NFYC: variants seen among roughly 807,000 people sequenced by gnomAD.
NFYC encodes CAAT box DNA-binding protein subunit C.
A neutral mutation model predicts 53.1 loss-of-function variants in NFYC; 25 were observed. The ratio of observed to expected loss-of-function variants is 0.47; its 90% CI spans 0.34 to 0.66. The LOEUF (loss-of-function observed/expected upper bound fraction) is 0.66, where lower values mean the gene tolerates loss of function less well. Ranked by LOEUF, NFYC falls within the 30% of genes least tolerant of loss-of-function variation. The pLI, the probability that NFYC is intolerant of heterozygous loss-of-function variation, is 0.01. For missense variants in NFYC, 260 were observed against 422.7 expected (o/e 0.62, Z 3.38); for synonymous variants, 145 against 152.6 (o/e 0.95, Z 0.37).
intron 1 of NFYC, among the ~76,000 whole-genome samples, chr1:40,730,363 T>G (rs573701760): frequency 1.3e-5 from 2 of 152,190 alleles, no homozygotes; most frequent in South Asian, 2.1e-4. Context: ...GTGAAAGATG[T>G]GAGACTGTTC....
intron 1 of NFYC, among the ~76,000 whole-genome samples, chr1:40,732,129 T>TA (rs1644802696): frequency 6.6e-6 from 1 of 152,216 alleles, no homozygotes; most frequent in African/African-American, 2.4e-5. Flanking sequence ...TGTTAGGTTT[T>TA]TAAGTATTAT....
chr1:40,766,815 A>G, intron 8 of NFYC, 112 bp downstream of exon 8: 3 of 1,485,860 alleles, frequency 2.0e-6, no homozygotes, highest in Non-Finnish European at 2.8e-6. Context: ...TTCAACCAGA[A>G]GCACCACCCC....
At chr1:40,715,512 G>A (rs1029200773) in intron 1 of NFYC, among the ~76,000 whole-genome samples, 2 of 151,866 alleles carry the variant, frequency 1.3e-5, no homozygotes, top group Admixed American at 1.3e-4. Context: ...CAAAGCACTG[G>A]CATTTACAGG....
At chr1:40,722,374 AATT>A (rs1275967732) in intron 1 of NFYC, among the ~76,000 whole-genome samples, 5 of 152,192 alleles carry the variant, frequency 3.3e-5, no homozygotes, top group South Asian at 4.1e-4. Context: ...AGGGCTTAAA[AATT>A]ATTTCATGTT....
At chr1:40,766,770 A>C (rs748030730) in intron 8 of NFYC, 67 bp downstream of exon 8, 2 of 1,530,840 alleles carry the variant, frequency 1.3e-6, no homozygotes, top group Admixed American at 3.4e-5. Context: ...ACAGGAAAGG[A>C]GCGCTCAGCA....
At chr1:40,712,017 C>A (rs755673406) in intron 1 of NFYC, among the ~76,000 whole-genome samples, 5 of 152,064 alleles carry the variant, frequency 3.3e-5, no homozygotes, top group Admixed American at 2.0e-4. Context: ...GATTTAGTGG[C>A]GAGTCTTGAA....
At chr1:40,703,304 A>T (rs1429783391) in intron 1 of NFYC, among the ~76,000 whole-genome samples, 1 of 150,846 alleles carries the variant, frequency 6.6e-6, no homozygotes, top group Non-Finnish European at 1.5e-5. Flanking sequence ...AGCCTGGGCA[A>T]TATGGGGAGA....
intron 1 of NFYC, among the ~76,000 whole-genome samples, chr1:40,697,481 T>A (rs1643212031): frequency 2.0e-5 from 3 of 152,224 alleles, no homozygotes; most frequent in African/African-American, 7.2e-5. Flanking sequence ...AGGGAAAGAT[T>A]GTTTCCTGAT....
intron 2 of NFYC, among the ~76,000 whole-genome samples, chr1:40,740,107 T>C (rs771152899): frequency 1.3e-5 from 2 of 152,218 alleles, no homozygotes; most frequent in Non-Finnish European, 2.9e-5. Context: ...GGTGTCATTT[T>C]AGCACATACT....
At chr1:40,717,606 A>G (rs1438870694) in intron 1 of NFYC, among the ~76,000 whole-genome samples, 1 of 152,224 alleles carries the variant, frequency 6.6e-6, no homozygotes, top group African/African-American at 2.4e-5. Context: ...GTGCCTTGAT[A>G]AGTAAAAGAC....
At chr1:40,767,539 A>G (rs1646879126) in intron 8 of NFYC, among the ~76,000 whole-genome samples, 1 of 152,086 alleles carries the variant, frequency 6.6e-6, no homozygotes, top group African/African-American at 2.4e-5. Context: ...TTACCTAAGG[A>G]CGCGGCTTTT....
intron 6 of NFYC, among the ~76,000 whole-genome samples, chr1:40,760,930 G>A (rs11208830): frequency 0.21 from 31,620 of 152,020 alleles, 3,353 homozygotes; most frequent in African/African-American, 0.23. Context: ...TGCCTCTGCA[G>A]TGGTGAAAAC....
At chr1:40,718,656 A>G (rs762408698) in intron 1 of NFYC, among the ~76,000 whole-genome samples, 5 of 152,236 alleles carry the variant, frequency 3.3e-5, no homozygotes, top group African/African-American at 7.2e-5. Flanking sequence ...ATTGTCTTTA[A>G]TGAATCCTAA....
chr1:40,701,228 G>C (rs547582027), intron 1 of NFYC, among the ~76,000 whole-genome samples: 13 of 152,036 alleles, frequency 8.6e-5, no homozygotes, highest in Non-Finnish European at 1.6e-4. Flanking sequence ...GGATTCTCCT[G>C]CCTCAGCCTC....
At chr1:40,700,137 C>A (rs1643359154) in intron 1 of NFYC, among the ~76,000 whole-genome samples, 2 of 152,114 alleles carry the variant, frequency 1.3e-5, no homozygotes, top group Non-Finnish European at 2.9e-5. Context: ...TTTCTGAGAA[C>A]AAGATACATC....
At chr1:40,708,460 A>T (rs529220200) in intron 1 of NFYC, among the ~76,000 whole-genome samples, 1 of 152,274 alleles carries the variant, frequency 6.6e-6, no homozygotes, top group South Asian at 2.1e-4. Context: ...TCTCCCATGG[A>T]TACCAGGGGA....
At position 40,704,307 on chromosome 1, in the gene NFYC, G is replaced by C. The variant is rs1000473025; in HGVS notation, c.-9+12440G>C. 1.1e-4 allele frequency among the ~76,000 whole-genome samples: 16 copies of C among 152,234 alleles called. 1 individual carries two copies. In the South Asian group the frequency reaches 1.7e-3, roughly 16 times the overall value. On this transcript the variant is annotated intron_variant, in intron 1 of 9. Coordinates refer to ENST00000447388, the MANE Select transcript of NFYC (RefSeq NM_014223.5). Reference sequence around the variant, plus strand: ...AGGATGGTCTCGATCTCCTGAATTCGTGATCTGCCCCCCTCAGCCTCCCAA... The same window carrying C: ...AGGATGGTCTCGATCTCCTGAATTCCTGATCTGCCCCCCTCAGCCTCCCAA...
rs559492147 is a variant in NFYC at position 40,748,792 on chromosome 1, C to T, written c.178-781C>T. 2.0e-5 allele frequency among the ~76,000 whole-genome samples: 3 copies of T among 152,290 alleles called. No homozygotes were observed. The South Asian group carries it at 6.2e-4, about 32-fold the overall frequency. On this transcript the variant is annotated intron_variant, in intron 3 of 9. Transcript: ENST00000447388. Reference sequence around the variant, plus strand: ...TTTCCCTTTTATTAGCTCCTTTCTTCCTCACAGTAGCCCTGTGAGATTTGA... The same window carrying T: ...TTTCCCTTTTATTAGCTCCTTTCTTTCTCACAGTAGCCCTGTGAGATTTGA...
At chr1:40,728,043 A>C (rs773209050) in intron 1 of NFYC, among the ~76,000 whole-genome samples, 1 of 151,960 alleles carries the variant, frequency 6.6e-6, no homozygotes, top group Non-Finnish European at 1.5e-5. Flanking sequence ...CCTCTAGAGT[A>C]GCTGGGACTA....
Sources: gnomAD v4.1 joint callset for allele counts (sites outside exome capture counted in the v4.1 genomes callset) on GRCh38, gnomAD v4.1.1 for gene constraint, MANE v1.5 for transcripts, NCBI Gene and HGNC (gene_info 2026-07-23, HGNC 2026-07-21) for gene names.